Variants in GALNT17 observed in about 807,000 individuals in gnomAD.
GALNT17 encodes polypeptide N-acetylgalactosaminyltransferase 17, also known as UDP-GalNAc:polypeptide N-acetylgalactosaminyltransferase-like 3.
In GALNT17, 29 loss-of-function variants were observed where a neutral mutation model predicts 63.7. That is an observed-to-expected ratio of 0.46 (90% CI 0.34 to 0.62). GALNT17 has a LOEUF of 0.62. Ranked by LOEUF, GALNT17 falls within the 20% of genes least tolerant of loss-of-function variation. The probability of loss-of-function intolerance (pLI) is 0.01; values close to 1 mark genes in which losing one functional copy is unlikely to be tolerated. For synonymous variants in GALNT17, 305 were observed against 318.3 expected (o/e 0.96, Z 0.45); for missense variants, 603 against 799.6 (o/e 0.75, Z 2.97).
chr7:71,574,737 C>T (rs1789506844), intron 6 of GALNT17, among the ~76,000 whole-genome samples: 3 of 152,162 alleles, frequency 2.0e-5, no homozygotes, highest in Admixed American at 1.3e-4. Flanking sequence ...GAATCAGAAA[C>T]TCTGGAGTGG....
chr7:71,198,423 T>C (rs1197711015), intron 1 of GALNT17, among the ~76,000 whole-genome samples: 1 of 152,186 alleles, frequency 6.6e-6, no homozygotes, highest in Non-Finnish European at 1.5e-5. Context: ...TATTGAGTTA[T>C]GTTCCATGCT....
intron 9 of GALNT17, among the ~76,000 whole-genome samples, chr7:71,684,078 A>G (rs1448131001): frequency 6.6e-6 from 1 of 151,320 alleles, no homozygotes; most frequent in Non-Finnish European, 1.5e-5. Flanking sequence ...GCTTGAACCT[A>G]TTTGGAACAG....
intron 2 of GALNT17, among the ~76,000 whole-genome samples, chr7:71,385,268 A>G (rs2116331978): frequency 6.6e-6 from 1 of 152,168 alleles, no homozygotes; most frequent in South Asian, 2.1e-4. Flanking sequence ...CAAGGGCTGG[A>G]GGCTGAGCTC....
chr7:71,187,312 G>T (rs1788869583), intron 1 of GALNT17, among the ~76,000 whole-genome samples: 1 of 149,582 alleles, frequency 6.7e-6, no homozygotes, highest in African/African-American at 2.5e-5. Context: ...GTAGAGGTGG[G>T]CGTATTGCTG....
At chr7:71,139,016 A>C (rs750209338) in intron 1 of GALNT17, among the ~76,000 whole-genome samples, 3 of 152,206 alleles carry the variant, frequency 2.0e-5, no homozygotes, top group Non-Finnish European at 4.4e-5. Context: ...ACCTAGAGAC[A>C]GACGGATTTC....
At chr7:71,416,204 G>A (rs916777333) in intron 4 of GALNT17, 141 bp downstream of exon 4, 61 of 1,049,424 alleles carry the variant, frequency 5.8e-5, no homozygotes, top group Non-Finnish European at 7.0e-5. Flanking sequence ...AGAAGAAAGT[G>A]AGACCATTGT....
At chr7:71,674,985 AC>A (rs1791127039) in intron 8 of GALNT17, among the ~76,000 whole-genome samples, 1 of 152,078 alleles carries the variant, frequency 6.6e-6, no homozygotes, top group South Asian at 2.1e-4. Context: ...GGAGATGGAG[AC>A]CATCCTGGCC....
At chr7:71,206,174 T>C (rs898489704) in intron 1 of GALNT17, among the ~76,000 whole-genome samples, 47 of 148,810 alleles carry the variant, frequency 3.2e-4, no homozygotes, top group African/African-American at 1.1e-3. Context: ...TATATATATT[T>C]ATATATAAAC....
At chr7:71,576,814 C>T (rs569605316) in intron 6 of GALNT17, among the ~76,000 whole-genome samples, 4 of 152,214 alleles carry the variant, frequency 2.6e-5, no homozygotes, top group South Asian at 2.1e-4. Context: ...GTGATCTGCC[C>T]GCTTCGGTCT....
intron 1 of GALNT17, among the ~76,000 whole-genome samples, chr7:71,251,603 G>A (rs1790199119): frequency 6.6e-6 from 1 of 151,872 alleles, no homozygotes; most frequent in Non-Finnish European, 1.5e-5. Context: ...GTAGAGATGG[G>A]GTCTCACTGT....
At chr7:71,701,791 ATGTG>A (rs551475038) in intron 9 of GALNT17, among the ~76,000 whole-genome samples, 5 of 39,118 alleles carry the variant, frequency 1.3e-4, no homozygotes, top group Non-Finnish European at 1.9e-4. Flanking sequence ...GTGTATATAT[ATGTG>A]TGTGTGTGTA....
At chr7:71,222,492 A>G (rs539556627) in intron 1 of GALNT17, among the ~76,000 whole-genome samples, 4 of 151,934 alleles carry the variant, frequency 2.6e-5, no homozygotes, top group Admixed American at 6.6e-5. Context: ...AGGTTTCTCC[A>G]TGTTGTCCAG....
At chr7:71,178,146 T>C (rs1398371992) in intron 1 of GALNT17, among the ~76,000 whole-genome samples, 1 of 145,572 alleles carries the variant, frequency 6.9e-6, no homozygotes, top group African/African-American at 2.5e-5. Flanking sequence ...AATGTTTATG[T>C]TTCATTTTCA....
chr7:71,338,937 A>C (rs547860357), intron 2 of GALNT17, among the ~76,000 whole-genome samples: 16 of 152,350 alleles, frequency 1.1e-4, no homozygotes, highest in South Asian at 2.1e-4. Context: ...GTATTCATTT[A>C]GAATCACTAG....
chr7:71,578,825 C>A (rs1403666245), intron 6 of GALNT17, among the ~76,000 whole-genome samples: 1 of 152,150 alleles, frequency 6.6e-6, no homozygotes, highest in African/African-American at 2.4e-5. Flanking sequence ...CTAGCCACTT[C>A]TCTATGGTTT....
In GALNT17 at chr7:71,421,250, C is replaced by G. The variant is rs1402305566; in HGVS notation, c.962+145C>G. The G allele has an allele frequency of 5.4e-5, 44 of 812,120 alleles. 1 individual carries two copies. The highest frequency in any genetic ancestry group is 8.2e-5 in the Non-Finnish European group (43 of 527,120). The allele number at this position is 812,120 out of a possible 1,614,324, so 50.3% of individuals were successfully genotyped here. ...CCAGGAGCCGCCGTTGTCTCAGGAT[C>G]ACAGCTTTCCTGCAGAGGGAGGATG... On this transcript the variant is annotated intron_variant, in intron 5 of 10. Transcript: ENST00000333538.
chr7:71,246,269 C>G (rs1239857287), intron 1 of GALNT17, among the ~76,000 whole-genome samples: 2 of 151,150 alleles, frequency 1.3e-5, no homozygotes, highest in East Asian at 4.0e-4. Context: ...TTACAGGCAC[C>G]CACCCACCAC....
intron 6 of GALNT17, among the ~76,000 whole-genome samples, chr7:71,632,679 T>G (rs921674655): frequency 6.6e-5 from 10 of 152,138 alleles, no homozygotes; most frequent in African/African-American, 2.4e-4. Context: ...TGGTGGAAAC[T>G]CCTTCTCTCA....
chr7:71,189,447 G>T (rs917781231), intron 1 of GALNT17, among the ~76,000 whole-genome samples: 17 of 152,294 alleles, frequency 1.1e-4, no homozygotes, highest in Admixed American at 8.5e-4. Flanking sequence ...GGTGGTGGGG[G>T]TGGCATGTTT....
Sources: gnomAD v4.1 joint callset for allele counts (sites outside exome capture counted in the v4.1 genomes callset) on GRCh38, gnomAD v4.1.1 for gene constraint, MANE v1.5 for transcripts, NCBI Gene and HGNC (gene_info 2026-07-23, HGNC 2026-07-21) for gene names.